Variants in ZNF566 observed in about 807,000 individuals in gnomAD.
ZNF566 encodes the protein zinc finger protein 566.
In ZNF566, 27 loss-of-function variants were observed where a neutral mutation model predicts 32.8. The ratio of observed to expected loss-of-function variants is 0.82; its 90% CI spans 0.61 to 1.14. The LOEUF (loss-of-function observed/expected upper bound fraction) is 1.14, where lower values mean the gene tolerates loss of function less well. ZNF566 is among the 50% of genes most tolerant of loss of function. The pLI is 0.00. For synonymous variants in ZNF566, 154 were observed against 159.5 expected, an observed-to-expected ratio of 0.97 and a Z score of 0.26; for missense variants, 402 against 490.4, an observed-to-expected ratio of 0.82 and a Z score of 1.70.
At chr19:36,480,366 C>T (rs1267932332) in intron 1 of ZNF566, among the ~76,000 whole-genome samples, 2 of 149,728 alleles carry the variant, frequency 1.3e-5, no homozygotes, top group African/African-American at 2.5e-5. Context: ...TTTACTGTAA[C>T]CTCTGCCTCC....
chr19:36,461,107 G>T (rs2033449498), intron 4 of ZNF566, among the ~76,000 whole-genome samples: 1 of 152,156 alleles, frequency 6.6e-6, no homozygotes, highest in Admixed American at 6.5e-5. Context: ...TCTCAAAGGG[G>T]TTAAGTGCTT....
chr19:36,460,699 C>T (rs2033440141), intron 4 of ZNF566, among the ~76,000 whole-genome samples: 1 of 151,958 alleles, frequency 6.6e-6, no homozygotes, highest in Non-Finnish European at 1.5e-5. Context: ...ACAAGCAAAG[C>T]CATTTTGAGA....
Position 36,485,448 on chromosome 19 carries a change from TAAA to T in ZNF566, c.-60+4035_-60+4037del, listed in dbSNP as rs34950405. Among the ~76,000 whole-genome samples the T allele has an allele frequency of 5.0e-3, 521 of 104,470 alleles. 4 individuals carry two copies. The highest frequency in any genetic ancestry group is 0.018 in the African/African-American group (459 of 26,066). 68.5% of individuals were successfully genotyped at this position (104,470 alleles called of 152,430 possible). Reference sequence around the variant, plus strand: ...GATGACGGAGCAAGACCTTGTCTATTAAAAAAAAAAAAAAAAAAAAAAAGTGGC... The same window carrying T: ...GATGACGGAGCAAGACCTTGTCTATTAAAAAAAAAAAAAAAAAAAAGTGGC... On this transcript the variant is annotated intron_variant, in intron 1 of 4. Coordinates refer to ENST00000452939, the MANE Select transcript of ZNF566 (RefSeq NM_001145344.1).
At chr19:36,452,513 T>C (rs992527295) in intron 4 of ZNF566, among the ~76,000 whole-genome samples, 3 of 150,120 alleles carry the variant, frequency 2.0e-5, no homozygotes, top group Non-Finnish European at 3.0e-5. Flanking sequence ...AATAGTGTTA[T>C]GAATTAAGTA....
intron 2 of ZNF566, 171 bp downstream of exon 2, chr19:36,476,378 C>A (rs569916644): frequency 1.7e-5 from 8 of 469,460 alleles, no homozygotes; most frequent in Non-Finnish European, 3.0e-5. Context: ...TATGAATTGG[C>A]CTGTTAGAGA....
Position 36,476,414 on chromosome 19 carries a change from A to G in ZNF566, c.9+135T>C, listed in dbSNP as rs573634551. ...TCCTTTCCTTTACAGCAAAATTCTG[A>G]CATTGCTCATAACCAAACTTTTTGA... On this transcript the variant is annotated intron_variant, in intron 2 of 4. Coordinates refer to ENST00000452939, the MANE Select transcript of ZNF566 (RefSeq NM_001145344.1). 446 of 640,488 alleles carry G rather than the reference A, an allele frequency of 7.0e-4. 4 individuals carry two copies. Among genetic ancestry groups the G allele is most frequent in the Middle Eastern group, 2.9e-3 (7 of 2,410 alleles). 39.7% of individuals were successfully genotyped at this position (640,488 alleles called of 1,614,324 possible). A position where few individuals can be genotyped will look rare whatever the true frequency, so the allele number is the denominator to read the frequency against.
intron 4 of ZNF566, among the ~76,000 whole-genome samples, chr19:36,455,953 G>A (rs906171921): frequency 6.7e-5 from 10 of 150,148 alleles, no homozygotes; most frequent in African/African-American, 2.2e-4. Context: ...GCAGGAGAAT[G>A]GCGTGAACCC....
intron 4 of ZNF566, among the ~76,000 whole-genome samples, chr19:36,456,097 T>C (rs1187196846): frequency 1.3e-5 from 2 of 151,896 alleles, no homozygotes; most frequent in South Asian, 2.1e-4. Flanking sequence ...AAAAATCGGT[T>C]GTTTCTATAC....
intron 2 of ZNF566, among the ~76,000 whole-genome samples, chr19:36,474,373 G>A (rs1028579445): frequency 1.3e-5 from 2 of 152,076 alleles, no homozygotes; most frequent in African/African-American, 4.8e-5. Context: ...CAAATGAGGG[G>A]GGAAGCAATT....
At chr19:36,456,814 A>G (rs2033327485) in intron 4 of ZNF566, among the ~76,000 whole-genome samples, 1 of 151,962 alleles carries the variant, frequency 6.6e-6, no homozygotes, top group South Asian at 2.1e-4. Flanking sequence ...AAATGTCCAT[A>G]CTACCCAAAG....
intron 3 of ZNF566, 59 bp from the exon 4 acceptor site, chr19:36,473,065 C>A: frequency 6.9e-7 from 1 of 1,447,066 alleles, no homozygotes; most frequent in Non-Finnish European, 9.6e-7. Context: ...GAATTCAAAT[C>A]CAGTCCCTTC....
chr19:36,487,878 C>T (rs1372689350), intron 1 of ZNF566, among the ~76,000 whole-genome samples: 2 of 107,832 alleles, frequency 1.9e-5, no homozygotes, highest in Admixed American at 1.4e-4. Context: ...GCCTGGGTGA[C>T]AAGAGCAAGA....
At chr19:36,453,439 C>G (rs968787326) in intron 4 of ZNF566, among the ~76,000 whole-genome samples, 2 of 150,586 alleles carry the variant, frequency 1.3e-5, no homozygotes, top group East Asian at 3.9e-4. Flanking sequence ...CGCCACTGCA[C>G]TCCAGCCTGG....
intron 4 of ZNF566, among the ~76,000 whole-genome samples, chr19:36,472,266 CT>C (rs1282825196): frequency 2.0e-5 from 3 of 152,170 alleles, no homozygotes; most frequent in East Asian, 1.9e-4. Flanking sequence ...AAATCTCCCC[CT>C]ATGACTTCTA....
intron 1 of ZNF566, among the ~76,000 whole-genome samples, chr19:36,484,870 T>G (rs1222264950): frequency 6.6e-6 from 1 of 152,126 alleles, no homozygotes; most frequent in Non-Finnish European, 1.5e-5. Context: ...ATTACAGGCA[T>G]GAGCCACCGC....
At position 36,484,787 on chromosome 19, in the gene ZNF566, C is replaced by T. The variant is rs190772615; in HGVS notation, c.-60+4699G>A. Among the ~76,000 whole-genome samples the T allele has an allele frequency of 1.2e-3, 190 of 152,034 alleles. 1 individual carries two copies. The highest frequency in any genetic ancestry group is 4.7e-4 in the Non-Finnish European group (32 of 67,976). On this transcript the variant is annotated intron_variant, in intron 1 of 4. Transcript: ENST00000452939. ...TGTATTTTTAGTAGAGATGGGGTTT[C>T]ACCGTGTTAGCCAGGATGGTCTTGA...
intron 4 of ZNF566, among the ~76,000 whole-genome samples, chr19:36,454,026 T>C (rs890833177): frequency 5.3e-5 from 8 of 152,112 alleles, no homozygotes; most frequent in Admixed American, 2.6e-4. Context: ...AGTTTCATCA[T>C]GTTGGCCAGA....
At chr19:36,488,634 C>G (rs1281423963) in intron 1 of ZNF566, among the ~76,000 whole-genome samples, 1 of 151,976 alleles carries the variant, frequency 6.6e-6, no homozygotes, top group Non-Finnish European at 1.5e-5. Context: ...CTATAAATAA[C>G]TAATAGGGCA....
At chr19:36,473,151 G>T in intron 3 of ZNF566, 145 bp from the exon 4 acceptor site, 1 of 1,053,242 alleles carries the variant, frequency 9.5e-7, no homozygotes, top group Non-Finnish European at 1.4e-6. Flanking sequence ...AACGGAAGAT[G>T]TAAAACATCC....
Sources: allele counts gnomAD v4.1 joint callset (sites outside exome capture counted in the v4.1 genomes callset), GRCh38; gene constraint gnomAD v4.1.1; transcripts MANE v1.5; gene names NCBI Gene and HGNC (gene_info 2026-07-23, HGNC 2026-07-21).